The following FAM81B variants were observed in gnomAD, a reference collection of about 807,000 sequenced individuals.
FAM81B encodes family with sequence similarity 81 member B.
FAM81B carries 60 observed loss-of-function variants against 58.7 expected under a neutral mutation model. That is an observed-to-expected ratio of 1.02 (90% CI 0.83 to 1.27). The LOEUF is 1.27. Ranked by LOEUF, FAM81B falls within the 50% of genes most tolerant of loss-of-function variation. The probability of loss-of-function intolerance (pLI) is 0.00; values close to 1 mark genes in which losing one functional copy is unlikely to be tolerated. For synonymous variants in FAM81B, 189 were observed against 179.6 expected (o/e 1.05, Z -0.42); for missense variants, 491 against 522.0 (o/e 0.94, Z 0.58).
chr5:95,426,110 ATATATATATATATG>A (rs910948177), intron 5 of FAM81B, among the ~76,000 whole-genome samples: 14 of 133,902 alleles, frequency 1.0e-4, no homozygotes, highest in African/African-American at 1.4e-4. Context: ...ATATATATAT[ATATATATATATATG>A]TACACATATA....
rs115117063 is a variant in FAM81B at position 95,445,590 on chromosome 5, A to G, written c.894-972A>G. Reference sequence around the variant, plus strand: ...TCATTCTCTGTTATTTAATACTTCTATGGTGCATCATCTTGATAGGTCCCG... The same window carrying G: ...TCATTCTCTGTTATTTAATACTTCTGTGGTGCATCATCTTGATAGGTCCCG... On this transcript the variant is annotated intron_variant, in intron 7 of 9. Coordinates refer to ENST00000283357, the MANE Select transcript of FAM81B (RefSeq NM_152548.3). 7.0e-3 allele frequency among the ~76,000 whole-genome samples: 1,058 copies of G among 152,178 alleles called. 6 individuals are homozygous for G. The highest frequency in any genetic ancestry group is 0.011 in the Non-Finnish European group (750 of 68,016).
chr5:95,407,420 A>ACACACG (rs1561294565), intron 3 of FAM81B, among the ~76,000 whole-genome samples: 2 of 142,876 alleles, frequency 1.4e-5, no homozygotes, highest in African/African-American at 2.5e-5. Flanking sequence ...GCACACACAC[A>ACACACG]CGCGTGCGCG....
chr5:95,427,800 T>C (rs1762888289), intron 5 of FAM81B, among the ~76,000 whole-genome samples: 1 of 152,190 alleles, frequency 6.6e-6, no homozygotes, highest in Non-Finnish European at 1.5e-5. Context: ...TGTGAAAGTA[T>C]ACAGAAACTG....
At chr5:95,421,554 T>C (rs533506799) in intron 5 of FAM81B, among the ~76,000 whole-genome samples, 1 of 152,002 alleles carries the variant, frequency 6.6e-6, no homozygotes, top group South Asian at 2.1e-4. Context: ...TGAGGGGTCT[T>C]GTAGGCTAAG....
chr5:95,406,537 G>A (rs1762250503), intron 3 of FAM81B, among the ~76,000 whole-genome samples: 1 of 152,108 alleles, frequency 6.6e-6, no homozygotes, highest in Non-Finnish European at 1.5e-5. Context: ...GCATGACCTT[G>A]ACAAGGCAGT....
chr5:95,429,632 TCTTTG>T (rs1316168316), intron 6 of FAM81B, among the ~76,000 whole-genome samples: 1 of 152,128 alleles, frequency 6.6e-6, no homozygotes, highest in African/African-American at 2.4e-5. Flanking sequence ...TTTTAAACTC[TCTTTG>T]TTTTTCAAGG....
intron 2 of FAM81B, among the ~76,000 whole-genome samples, chr5:95,393,315 T>C (rs1761880803): frequency 6.6e-6 from 1 of 152,226 alleles, no homozygotes; most frequent in African/African-American, 2.4e-5. Flanking sequence ...AGACTTTTTT[T>C]GCACTTCTCT....
chr5:95,418,595 C>T (rs1762598127), intron 4 of FAM81B, among the ~76,000 whole-genome samples: 1 of 152,080 alleles, frequency 6.6e-6, no homozygotes, highest in African/African-American at 2.4e-5. Flanking sequence ...TAATCTCTTA[C>T]TGATAAATAA....
chr5:95,429,386 G>C (rs992258909), intron 6 of FAM81B, among the ~76,000 whole-genome samples: 2 of 151,162 alleles, frequency 1.3e-5, no homozygotes, highest in African/African-American at 4.9e-5. Context: ...AGTTTTCTGT[G>C]CTCCACTTTG....
At chr5:95,400,435 C>CAT (rs10675531) in intron 3 of FAM81B, among the ~76,000 whole-genome samples, 1,436 of 143,406 alleles carry the variant, frequency 0.01, 12 homozygotes, top group Middle Eastern at 0.017. Context: ...TACATACATA[C>CAT]ACACACACAC....
intron 7 of FAM81B, chr5:95,440,046 G>T (rs1745271128): frequency 2.3e-6 from 1 of 431,428 alleles, no homozygotes. Context: ...AAAGGTTAAG[G>T]TTAACCTTTG....
At chr5:95,396,326 G>C (rs919877039) in intron 3 of FAM81B, 151 bp downstream of exon 3, 1 of 585,856 alleles carries the variant, frequency 1.7e-6, no homozygotes, top group African/African-American at 1.9e-5. Context: ...ATTCAGAAGA[G>C]ATTAAATCAT....
In FAM81B at chr5:95,392,865, C is replaced by T; in HGVS notation, c.196C>T (p.Leu66Phe). ...EEQPVEPDGPLPGSDNNQEKK... is the reference protein window; with the variant it reads ...EEQPVEPDGPFPGSDNNQEKK... ...ACAGCCAGTTGAACCTGATGGCCCC[C>T]TTCCTGGCTCAGACAATAACCAAGA... Residue 66 changes from leucine (L) to phenylalanine (F), a missense_variant, in exon 2 of 10, where the codon CTT becomes TTT. Leu to Phe is a conservative substitution (Grantham distance 22, BLOSUM62 0). Transcript: ENST00000283357. The T allele has an allele frequency of 2.5e-6, 4 of 1,611,824 alleles. No individual in the cohort carries two copies. The highest frequency in any genetic ancestry group is 2.2e-5 in the East Asian group (1 of 44,830).
chr5:95,446,951 T>TAAAAA (rs562369898), intron 8 of FAM81B, among the ~76,000 whole-genome samples: 18 of 144,938 alleles, frequency 1.2e-4, no homozygotes, highest in African/African-American at 4.3e-4. Flanking sequence ...TTTTTTTTTT[T>TAAAAA]AAAAAAAAAA....
At chr5:95,428,831 G>A in intron 6 of FAM81B, 99 bp downstream of exon 6, 15 of 1,518,882 alleles carry the variant, frequency 9.9e-6, no homozygotes, top group South Asian at 6.0e-5. Flanking sequence ...TTTTTTAAGA[G>A]AACTCTTTTC....
intron 4 of FAM81B, among the ~76,000 whole-genome samples, chr5:95,417,472 T>C (rs1288611511): frequency 6.6e-6 from 1 of 152,172 alleles, no homozygotes; most frequent in Admixed American, 6.5e-5. Flanking sequence ...AGTGAGACTC[T>C]GTCTCTACAA....
At chr5:95,442,764 AGTTT>A (rs1745413169) in intron 7 of FAM81B, among the ~76,000 whole-genome samples, 1 of 152,214 alleles carries the variant, frequency 6.6e-6, no homozygotes, top group Admixed American at 6.5e-5. Flanking sequence ...AGAAGAAATT[AGTTT>A]GAGAGTTCTA....
chr5:95,432,913 G>A (rs1213500465), intron 6 of FAM81B, among the ~76,000 whole-genome samples: 1 of 151,784 alleles, frequency 6.6e-6, no homozygotes, highest in Admixed American at 6.6e-5. Context: ...TTCCTTGCCT[G>A]CAGGGTATTT....
At chr5:95,433,551 TG>T (rs1470257028) in intron 6 of FAM81B, among the ~76,000 whole-genome samples, 1 of 152,224 alleles carries the variant, frequency 6.6e-6, no homozygotes, top group Non-Finnish European at 1.5e-5. Flanking sequence ...TGTTTTGTTA[TG>T]CTGGTATTCA....
Sources: gnomAD v4.1 joint callset for allele counts (sites outside exome capture counted in the v4.1 genomes callset) on GRCh38, gnomAD v4.1.1 for gene constraint, MANE v1.5 for transcripts, NCBI Gene and HGNC (gene_info 2026-07-23, HGNC 2026-07-21) for gene names.